The following ITGB3BP variants were observed in gnomAD, a reference collection of about 807,000 sequenced individuals.
The protein encoded by ITGB3BP is integrin subunit beta 3 binding protein.
ITGB3BP carries 27 observed loss-of-function variants against 29.1 expected under a neutral mutation model. The observed-to-expected ratio is 0.93, with a 90% CI of 0.68 to 1.28. ITGB3BP has a LOEUF of 1.28. Among genes scored for constraint, ITGB3BP ranks in the 50% most tolerant of loss-of-function variants. The probability of loss-of-function intolerance (pLI) is 0.00; values close to 1 mark genes in which losing one functional copy is unlikely to be tolerated. For synonymous variants in ITGB3BP, 61 were observed against 61.4 expected (o/e 0.99, Z 0.03); for missense variants, 192 against 200.2 (o/e 0.96, Z 0.25).
chr1:63,443,625 G>C (rs566156269), intron 8 of ITGB3BP, among the ~76,000 whole-genome samples: 3 of 152,256 alleles, frequency 2.0e-5, no homozygotes, highest in African/African-American at 7.2e-5. Context: ...AGCAGGATAG[G>C]CTGTAGGGGA....
chr1:63,483,731 T>C (rs1435245881), intron 3 of ITGB3BP, among the ~76,000 whole-genome samples: 2 of 152,184 alleles, frequency 1.3e-5, no homozygotes, highest in African/African-American at 4.8e-5. Context: ...ACCACATATA[T>C]GACAGTGGTC....
chr1:63,513,553 TA>T (rs1646246563), intron 1 of ITGB3BP, among the ~76,000 whole-genome samples: 1 of 152,174 alleles, frequency 6.6e-6, no homozygotes, highest in African/African-American at 2.4e-5. Flanking sequence ...ATCTGGGCAC[TA>T]AATGTGTTCA....
intron 4 of ITGB3BP, among the ~76,000 whole-genome samples, chr1:63,473,015 C>T (rs546750606): frequency 6.6e-6 from 1 of 151,914 alleles, no homozygotes; most frequent in African/African-American, 2.4e-5. Flanking sequence ...GCCGCCATCC[C>T]ATCTAGGAAG....
At chr1:63,506,170 A>G (rs1646074501) in intron 2 of ITGB3BP, among the ~76,000 whole-genome samples, 1 of 152,140 alleles carries the variant, frequency 6.6e-6, no homozygotes, top group African/African-American at 2.4e-5. Flanking sequence ...TAGGTCTCTA[A>G]GGACTTGCTT....
At chr1:63,518,488 T>A (rs7526568) in intron 1 of ITGB3BP, among the ~76,000 whole-genome samples, 19,767 of 152,150 alleles carry the variant, frequency 0.13, 1,478 homozygotes, top group Middle Eastern at 0.25. Flanking sequence ...TAGTTTATGT[T>A]CTCTTTCATC....
In ITGB3BP at chr1:63,454,845, A is replaced by G; in HGVS notation, c.333+45T>C. The stretch of plus-strand genomic sequence containing the variant: ...TTCTCCAATCTGGGACACTTCTTTC[A>G]TTTTATCCTTTTCAAACAGGGTAGA... On this transcript the variant is annotated intron_variant, in intron 5 of 8. Transcript: ENST00000271002. The surrounding 1 kb of genome is among the most constrained non-coding windows in gnomAD (Gnocchi z 4.1). The G allele has an allele frequency of 1.1e-6, 1 of 888,048 alleles. No homozygotes were observed. The highest frequency in any genetic ancestry group is 1.6e-5 in the South Asian group (1 of 61,684). The allele number at this position is 888,048 out of a possible 1,614,324, so 55.0% of individuals were successfully genotyped here.
chr1:63,523,941 G>A (rs1646528070), upstream of ITGB3BP, among the ~76,000 whole-genome samples: 1 of 152,098 alleles, frequency 6.6e-6, no homozygotes. Context: ...TTGTGTGGCT[G>A]GTTATTTATG....
chr1:63,481,316 T>C (rs1645433118), intron 3 of ITGB3BP, among the ~76,000 whole-genome samples: 1 of 152,144 alleles, frequency 6.6e-6, no homozygotes, highest in Admixed American at 6.5e-5. Flanking sequence ...AGCTGTTAAA[T>C]ATGAAGAGTT....
chr1:63,460,622 T>C (rs11804843), intron 4 of ITGB3BP, among the ~76,000 whole-genome samples: 36,578 of 152,126 alleles, frequency 0.24, 5,015 homozygotes, highest in Non-Finnish European at 0.32. Context: ...TATAAATATC[T>C]GAGTCACTGT....
At position 63,470,599 on chromosome 1, in the gene ITGB3BP, G is replaced by C. The variant is rs1645179416; in HGVS notation, c.254+8165C>G. 2.0e-5 allele frequency among the ~76,000 whole-genome samples: 3 copies of C among 152,310 alleles called. No homozygotes were observed. The South Asian group carries it at 6.2e-4, about 32-fold the overall frequency. ...TATTCAGCCATTGTTGTTAGCTATA[G>C]ATAATTTTCACTGTAGTCCATTAGA... On this transcript the variant is annotated intron_variant, in intron 4 of 8. Coordinates refer to ENST00000271002, the MANE Select transcript of ITGB3BP (RefSeq NM_014288.5).
chr1:63,448,127 A>C (rs1377869476), intron 7 of ITGB3BP, among the ~76,000 whole-genome samples: 3 of 140,934 alleles, frequency 2.1e-5, no homozygotes, highest in African/African-American at 7.9e-5. Context: ...GGAATTGAAC[A>C]ATGAGAACAC....
intron 2 of ITGB3BP, among the ~76,000 whole-genome samples, chr1:63,494,269 C>A (rs984430172): frequency 6.6e-6 from 1 of 152,052 alleles, no homozygotes; most frequent in Admixed American, 6.5e-5. Flanking sequence ...CAGGCACCCA[C>A]CACCACGTCC....
At chr1:63,497,125 T>C (rs975673655) in intron 2 of ITGB3BP, among the ~76,000 whole-genome samples, 1 of 152,106 alleles carries the variant, frequency 6.6e-6, no homozygotes, top group Non-Finnish European at 1.5e-5. Context: ...GGAATAAATG[T>C]ATGAAGCAAA....
chr1:63,489,044 A>G (rs1452306781), intron 3 of ITGB3BP, among the ~76,000 whole-genome samples: 1 of 152,024 alleles, frequency 6.6e-6, no homozygotes, highest in Admixed American at 6.6e-5. Flanking sequence ...ATTTATTTTT[A>G]ATTAAAAAGA....
chr1:63,476,391 A>G (rs1645341612), intron 4 of ITGB3BP, among the ~76,000 whole-genome samples: 1 of 152,170 alleles, frequency 6.6e-6, no homozygotes, highest in African/African-American at 2.4e-5. Context: ...ATGTTGTAAA[A>G]TGTCTCAGCT....
chr1:63,514,142 T>C (rs953930139), intron 1 of ITGB3BP, among the ~76,000 whole-genome samples: 4 of 152,228 alleles, frequency 2.6e-5, no homozygotes, highest in African/African-American at 9.6e-5. Flanking sequence ...ATACAGTATG[T>C]ACTTGTGTCT....
intron 3 of ITGB3BP, 135 bp downstream of exon 3, chr1:63,489,948 A>C: frequency 1.4e-6 from 1 of 719,052 alleles, no homozygotes; most frequent in Non-Finnish European, 2.3e-6. Flanking sequence ...AGTAATACCT[A>C]TATTAAGGTA....
chr1:63,501,683 C>G (rs114291472), intron 2 of ITGB3BP, among the ~76,000 whole-genome samples: 1,791 of 151,024 alleles, frequency 0.012, 38 homozygotes, highest in African/African-American at 0.041. Context: ...GACAACATGG[C>G]AAAACTAAAA....
intron 8 of ITGB3BP, among the ~76,000 whole-genome samples, chr1:63,444,492 ATATAT>A (rs1644765706): frequency 2.7e-5 from 4 of 146,668 alleles, no homozygotes; most frequent in African/African-American, 1.0e-4. Flanking sequence ...TATAGGATAT[ATATAT>A]TACATATAGG....
Sources: gnomAD v4.1 joint callset for allele counts (sites outside exome capture counted in the v4.1 genomes callset) on GRCh38, gnomAD v4.1.1 for gene constraint, Gnocchi (gnomAD v3.1) non-coding constraint, MANE v1.5 for transcripts, NCBI Gene and HGNC (gene_info 2026-07-23, HGNC 2026-07-21) for gene names.